The following COL5A2 variants were observed in gnomAD, a reference collection of about 807,000 sequenced individuals.
COL5A2 encodes collagen type V alpha 2 chain, also known as collagen alpha-2(V) chain.
COL5A2 carries 23 observed loss-of-function variants against 208.2 expected under a neutral mutation model. The ratio of observed to expected loss-of-function variants is 0.11; its 90% CI spans 0.08 to 0.16. The LOEUF (loss-of-function observed/expected upper bound fraction) is 0.16. Ranked by LOEUF, COL5A2 falls within the 10% of genes least tolerant of loss-of-function variation. COL5A2 has a pLI of 1.00. For synonymous variants in COL5A2, 625 were observed against 628.5 expected (o/e 0.99, Z 0.08); for missense variants, 1,590 against 1,956.4 (o/e 0.81, Z 3.53).
At chr2:189,157,298 T>G (rs1688273843) in intron 1 of COL5A2, among the ~76,000 whole-genome samples, 1 of 151,854 alleles carries the variant, frequency 6.6e-6, no homozygotes, top group Admixed American at 6.6e-5. Context: ...TTCTTCCAAG[T>G]GTGTTAAAGC....
chr2:189,066,513 G>A lies in COL5A2; in HGVS notation c.1456-16C>T. The A allele has an allele frequency of 6.2e-7, 1 of 1,611,954 alleles. No individual in the cohort carries two copies. Among genetic ancestry groups the A allele is most frequent in the South Asian group, 1.1e-5 (1 of 91,044 alleles). On this transcript the variant is annotated splice_polypyrimidine_tract_variant and intron_variant, in intron 22 of 53. Transcript: ENST00000374866. The stretch of plus-strand genomic sequence containing the variant: ...CATGTGGCCCCTGTTAAAAACAGAA[G>A]GACAGTTACCAGAAAGACCCATCCA...
the COL5A2 span, among the ~76,000 whole-genome samples, chr2:189,273,943 T>C: frequency 6.6e-6 from 1 of 152,022 alleles, no homozygotes; most frequent in Non-Finnish European, 1.5e-5. Flanking sequence ...ACATGGTGAC[T>C]ACAGTTATTA....
chr2:189,244,398 G>T, the COL5A2 span, among the ~76,000 whole-genome samples: 2 of 152,096 alleles, frequency 1.3e-5, no homozygotes, highest in Admixed American at 6.5e-5. Flanking sequence ...CAAGTTCAAA[G>T]TTCCACAAAT....
intron 27 of COL5A2, 29 bp downstream of exon 27, chr2:189,063,143 G>C: frequency 6.2e-7 from 1 of 1,611,376 alleles, no homozygotes; most frequent in Non-Finnish European, 8.5e-7. Context: ...TCATGATGAG[G>C]TGGCCAACAT....
intron 1 of COL5A2, among the ~76,000 whole-genome samples, chr2:189,193,672 T>G (rs1363342223): frequency 6.6e-6 from 1 of 152,160 alleles, no homozygotes; most frequent in Non-Finnish European, 1.5e-5. Context: ...AGTAAATCAC[T>G]CAAGACACAA....
chr2:189,169,565 T>A (rs542819126), intron 1 of COL5A2, among the ~76,000 whole-genome samples: 10 of 152,310 alleles, frequency 6.6e-5, no homozygotes, highest in African/African-American at 2.4e-4. Flanking sequence ...ATGATCATAG[T>A]AGAATAAAAT....
the COL5A2 span, among the ~76,000 whole-genome samples, chr2:189,418,463 T>C: frequency 2.0e-5 from 3 of 152,216 alleles, no homozygotes; most frequent in African/African-American, 2.4e-5. Context: ...AGAGCTAAAA[T>C]AGGATATCTG....
intron 1 of COL5A2, among the ~76,000 whole-genome samples, chr2:189,170,112 T>A (rs777467334): frequency 1.3e-5 from 2 of 151,542 alleles, no homozygotes; most frequent in African/African-American, 4.8e-5. Context: ...AGGTGTTAGA[T>A]AGATAGATAG....
chr2:189,042,828 C>T, intron 48 of COL5A2, 55 bp from the exon 49 acceptor site: 2 of 1,517,354 alleles, frequency 1.3e-6, no homozygotes, highest in South Asian at 1.2e-5. Context: ...CTGCATTGTG[C>T]CATTCTCAAA....
At chr2:189,407,662 C>T in the COL5A2 span, among the ~76,000 whole-genome samples, 1 of 151,970 alleles carries the variant, frequency 6.6e-6, no homozygotes, top group Non-Finnish European at 1.5e-5. Context: ...ATCTCCAGGT[C>T]CTCTGTTCAT....
At chr2:189,311,825 G>C in the COL5A2 span, 3 of 1,252,878 alleles carry the variant, frequency 2.4e-6, no homozygotes, top group South Asian at 1.2e-5. Flanking sequence ...AGATTTGGGG[G>C]CATCTACCTC....
chr2:189,311,368 G>C, the COL5A2 span: 1 of 959,030 alleles, frequency 1.0e-6, no homozygotes, highest in Non-Finnish European at 1.7e-6. Context: ...TGCTGTCCAG[G>C]GCATCACCAA....
At position 189,134,087 on chromosome 2, in the gene COL5A2, G is replaced by A. The variant is rs541166872; in HGVS notation, c.98-23638C>T. 8.5e-5 allele frequency among the ~76,000 whole-genome samples: 13 copies of A among 152,184 alleles called. 1 individual carries two copies. The East Asian group carries it at 1.9e-3, about 23-fold the overall frequency. ...TCTTTGGAATCAATACAGGTTGTTA[G>A]ATCTGTCATCCTCTTCATCCCACTC... On this transcript the variant is annotated intron_variant, in intron 1 of 53. Coordinates refer to ENST00000374866, the MANE Select transcript of COL5A2 (RefSeq NM_000393.5).
chr2:189,038,979 G>A (rs536492231), intron 51 of COL5A2, among the ~76,000 whole-genome samples: 5 of 152,118 alleles, frequency 3.3e-5, no homozygotes, highest in South Asian at 2.1e-4. Flanking sequence ...GTGAGACACC[G>A]CACCTGGCCT....
chr2:189,175,230 T>A (rs537716595), intron 1 of COL5A2, among the ~76,000 whole-genome samples: 10 of 152,262 alleles, frequency 6.6e-5, no homozygotes, highest in African/African-American at 2.4e-4. Flanking sequence ...TGTGACCATA[T>A]GACTAAATTC....
Position 189,032,744 on chromosome 2 carries a change from A to T in COL5A2, c.*1326T>A, listed in dbSNP as rs1270240230. 1 of 152,620 alleles carries T rather than the reference A, an allele frequency of 6.6e-6. No homozygotes were observed. Among genetic ancestry groups the T allele is most frequent in the African/African-American group, 2.4e-5 (1 of 41,456 alleles). The allele number at this position is 152,620 out of a possible 1,614,324, so 9.5% of individuals were successfully genotyped here. Reference sequence around the variant, plus strand: ...TACAAAGCATTCCAGATACAGTATGACAGAGGAACAGTGAACAAGCATTGG... The same window carrying T: ...TACAAAGCATTCCAGATACAGTATGTCAGAGGAACAGTGAACAAGCATTGG... On this transcript the variant is annotated 3_prime_UTR_variant, in exon 54 of 54. Transcript: ENST00000374866.
the COL5A2 span, among the ~76,000 whole-genome samples, chr2:189,335,893 GA>G: frequency 2.6e-5 from 4 of 152,080 alleles, no homozygotes; most frequent in South Asian, 2.1e-4. Context: ...TCACTTTAAA[GA>G]GTGAATTTGA....
At chr2:189,095,932 T>C (rs1332052483) in intron 6 of COL5A2, 1 of 151,740 alleles carries the variant, frequency 6.6e-6, no homozygotes, top group Non-Finnish European at 1.5e-5. Context: ...GGGCATATAA[T>C]AATCTGGACA....
chr2:189,269,078 A>AATTCAT, the COL5A2 span, among the ~76,000 whole-genome samples: 1 of 152,142 alleles, frequency 6.6e-6, no homozygotes, highest in Admixed American at 6.6e-5. Flanking sequence ...TTTCAATGCC[A>AATTCAT]GGAAATTCAT....
Sources: allele counts gnomAD v4.1 joint callset (sites outside exome capture counted in the v4.1 genomes callset), GRCh38; gene constraint gnomAD v4.1.1; transcripts MANE v1.5; gene names NCBI Gene and HGNC (gene_info 2026-07-23, HGNC 2026-07-21).